CCDC102A: variants seen among roughly 807,000 people sequenced by gnomAD.
CCDC102A encodes coiled-coil domain containing 102A.
A neutral mutation model predicts 55.5 loss-of-function variants in CCDC102A; 40 were observed. That is an observed-to-expected ratio of 0.72 (90% CI 0.56 to 0.94). CCDC102A has a LOEUF of 0.94. Among genes scored for constraint, CCDC102A ranks in the 40% least tolerant of loss-of-function variants. The probability of loss-of-function intolerance (pLI) is 0.00; values close to 1 mark genes in which losing one functional copy is unlikely to be tolerated. For missense variants in CCDC102A, 779 were observed against 768.6 expected, an observed-to-expected ratio of 1.01 and a Z score of -0.16; for synonymous variants, 323 against 339.0, an observed-to-expected ratio of 0.95 and a Z score of 0.52.
chr16:57,521,536 T>G (rs143226353), intron 3 of CCDC102A, among the ~76,000 whole-genome samples: 3,903 of 152,284 alleles, frequency 0.026, 149 homozygotes, highest in African/African-American at 0.087. Flanking sequence ...TTGGCCCACC[T>G]TGTTCTTCTC....
intron 1 of CCDC102A, among the ~76,000 whole-genome samples, chr16:57,530,791 A>C: frequency 6.6e-6 from 1 of 150,438 alleles, no homozygotes; most frequent in African/African-American, 2.5e-5. Context: ...CTCCCCTGGC[A>C]CCTCCCTTTT....
rs1261007642 is a variant in CCDC102A at position 57,526,250 on chromosome 16, G to A, written c.586-123C>T. On this transcript the variant is annotated intron_variant, in intron 2 of 8. Transcript: ENST00000258214. ...TCTCTGGGCCTCAGTTTCCTCTTCT[G>A]CTGCCTGCCTCTCCATCTCTGGAGA... 1.3e-5 allele frequency: 9 copies of A among 670,832 alleles called. No homozygotes were observed. In the Admixed American group the frequency reaches 2.6e-4, roughly 20 times the overall value. The allele number at this position is 670,832 out of a possible 1,614,324, so 41.6% of individuals were successfully genotyped here.
rs2032203175 is a variant in CCDC102A at position 57,529,090 on chromosome 16, C to T, written c.88G>A (p.Glu30Lys). ...LLTILGSPSP[E>K]RMGPADSLPP... Reference sequence around the variant, plus strand: ...AAGGAGTCGGCAGGCCCCATGCGCTCCGGCGACGGGCTGCCCAGGATGGTC... The same window carrying T: ...AAGGAGTCGGCAGGCCCCATGCGCTTCGGCGACGGGCTGCCCAGGATGGTC... The change falls in exon 2 of 9, where the codon GAG (glutamate) becomes AAG (lysine). Residue 30 changes from glutamate (E) to lysine (K), a missense_variant. By Grantham distance (56) the Glu-to-Lys change is moderately conservative (BLOSUM62 1). Coordinates refer to ENST00000258214, the MANE Select transcript of CCDC102A (RefSeq NM_033212.4). The surrounding 1 kb of genome is among the most constrained non-coding windows in gnomAD (Gnocchi z 4.1). 8.5e-7 allele frequency: 1 copy of T among 1,172,954 alleles called. No individual in the cohort carries two copies. Among genetic ancestry groups the T allele is most frequent in the East Asian group, 3.8e-5 (1 of 26,314 alleles). The allele number at this position is 1,172,954 out of a possible 1,614,324, so 72.7% of individuals were successfully genotyped here.
chr16:57,512,949 G>A lies in CCDC102A; in HGVS notation c.1524-79C>T, dbSNP rs559106848. Reference sequence around the variant, plus strand: ...TAAGGTGGCTGCAGCTGGTGCTGGAGCAGTTAAGCCTTCCCTGGTGCTTTC... The same window carrying A: ...TAAGGTGGCTGCAGCTGGTGCTGGAACAGTTAAGCCTTCCCTGGTGCTTTC... On this transcript the variant is annotated intron_variant, in intron 8 of 8. Transcript: ENST00000258214. 3.1e-6 allele frequency: 4 copies of A among 1,302,502 alleles called. 1 individual carries two copies. In the South Asian group the frequency reaches 3.8e-5, roughly 12 times the overall value. The allele number at this position is 1,302,502 out of a possible 1,614,324, so 80.7% of individuals were successfully genotyped here.
intron 1 of CCDC102A, among the ~76,000 whole-genome samples, chr16:57,531,197 A>ATCTTGGTTAAAATAGAACTTGCTGCC (rs2032254007): frequency 6.6e-6 from 1 of 151,760 alleles, no homozygotes; most frequent in African/African-American, 2.4e-5. Flanking sequence ...ATTCAGGCTC[A>ATCTTGGTTAAAATAGAACTTGCTGCC]TCTTGGTTAA....
At chr16:57,512,981 G>T in intron 8 of CCDC102A, 111 bp from the exon 9 acceptor site, 1 of 846,424 alleles carries the variant, frequency 1.2e-6, no homozygotes, top group Non-Finnish European at 1.9e-6. Flanking sequence ...TTTCCCTGCT[G>T]TCTCATCTCC....
rs956843358 is a variant in CCDC102A at position 57,526,432 on chromosome 16, A to G, written c.586-305T>C. Among the ~76,000 whole-genome samples, 4 of 152,334 alleles carry G rather than the reference A, an allele frequency of 2.6e-5. No homozygotes were observed. The East Asian group carries it at 7.7e-4, about 29-fold the overall frequency. On this transcript the variant is annotated intron_variant, in intron 2 of 8. Transcript: ENST00000258214. ...AACCTACGGCGGGGCACCGATGGGAACAAATGTTGAAGCAGGAATTCCTAT... is the reference window on the plus strand; with the variant it reads ...AACCTACGGCGGGGCACCGATGGGAGCAAATGTTGAAGCAGGAATTCCTAT...
intron 3 of CCDC102A, among the ~76,000 whole-genome samples, chr16:57,524,799 A>G (rs982382890): frequency 1.3e-5 from 2 of 152,206 alleles, no homozygotes; most frequent in Non-Finnish European, 2.9e-5. Flanking sequence ...ATTCATTATC[A>G]TCAAGCTCGT....
rs1263894684 is a variant in CCDC102A, at chr16:57,516,352, T to C, written c.1360A>G (p.Lys454Glu). The change falls in exon 7 of 9, where the codon AAG becomes GAG. Residue 454 changes from lysine (K) to glutamate (E), a missense_variant. Lys to Glu is a moderately conservative substitution (Grantham distance 56, BLOSUM62 1). Transcript: ENST00000258214. This position sits in a 1 kb window ranked among gnomAD's most constrained non-coding sequence, Gnocchi z 4.4. ...TCCTCCACCCGCAGCCGCAGCTTCT[T>C]CACCTCAGCCTCGTGCTGCTCCACC... ...RRVEQHEAEV[K>E]KLRLRVEELK... 1 of 1,608,832 alleles carries C rather than the reference T, an allele frequency of 6.2e-7. No individual in the cohort carries two copies. Among genetic ancestry groups the C allele is most frequent in the African/African-American group, 1.3e-5 (1 of 75,066 alleles).
chr16:57,513,661 G>A (rs2031905263), intron 8 of CCDC102A, among the ~76,000 whole-genome samples: 1 of 152,270 alleles, frequency 6.6e-6, no homozygotes, highest in Non-Finnish European at 1.5e-5. Flanking sequence ...CCTGAACAAT[G>A]TGACCCAGAC....
chr16:57,521,098 C>T lies in CCDC102A; in HGVS notation c.891G>A (p.Leu297=), dbSNP rs1298244920. Residue 297 remains leucine, a synonymous_variant, in exon 4 of 9, where the codon CTG becomes CTA. Coordinates refer to ENST00000258214, the MANE Select transcript of CCDC102A (RefSeq NM_033212.4). ...TGAGCATCTCCTGCTTGGTCTTGCT[C>T]AGCTCCTCATACTTGATCTTCCACT... ...LSQWKIKYEE[L]SKTKQEMLKQ... is the part of the protein sequence containing the mutation. The T allele has an allele frequency of 6.2e-7, 1 of 1,613,734 alleles. No homozygotes were observed. The highest frequency in any genetic ancestry group is 1.1e-5 in the South Asian group (1 of 91,080).
At chr16:57,517,894 G>GT (rs1274855053) in intron 6 of CCDC102A, among the ~76,000 whole-genome samples, 174 bp downstream of exon 6, 2 of 152,250 alleles carry the variant, frequency 1.3e-5, no homozygotes, top group East Asian at 3.8e-4. Flanking sequence ...TTGGCACATA[G>GT]TAAGTGCTCA....
chr16:57,525,611 C>G (rs563665403), intron 3 of CCDC102A, among the ~76,000 whole-genome samples: 1 of 152,178 alleles, frequency 6.6e-6, no homozygotes, highest in African/African-American at 2.4e-5. Context: ...AGCCCTCTCC[C>G]CCAACTAGAA....
At chr16:57,531,158 C>T (rs1182521080) in intron 1 of CCDC102A, among the ~76,000 whole-genome samples, 8 of 152,204 alleles carry the variant, frequency 5.3e-5, no homozygotes, top group South Asian at 4.2e-4. Flanking sequence ...CAGAGCTTCC[C>T]ATACCTCCAA....
At position 57,512,471 on chromosome 16, in the gene CCDC102A, C is replaced by T. The variant is rs2031878774; in HGVS notation, c.*270G>A. 2.3e-6 allele frequency: 1 copy of T among 430,870 alleles called. No individual in the cohort carries two copies. The highest frequency in any genetic ancestry group is 7.7e-5 in the South Asian group (1 of 12,912). 26.7% of individuals were successfully genotyped at this position (430,870 alleles called of 1,614,324 possible). On this transcript the variant is annotated 3_prime_UTR_variant, in exon 9 of 9. Transcript: ENST00000258214. Reference sequence around the variant, plus strand: ...CATCTGGACTGGGCCTTGGAGCTGTCCTGTATTTATAAAACCAAATGGGTC... The same window carrying T: ...CATCTGGACTGGGCCTTGGAGCTGTTCTGTATTTATAAAACCAAATGGGTC...
intron 4 of CCDC102A, among the ~76,000 whole-genome samples, chr16:57,519,038 C>T (rs1397029602): frequency 6.6e-6 from 1 of 152,166 alleles, no homozygotes; most frequent in East Asian, 1.9e-4. Flanking sequence ...GCAATCATAC[C>T]ACCCTCCTCC....
At chr16:57,522,939 G>A (rs1443694714) in intron 3 of CCDC102A, among the ~76,000 whole-genome samples, 6 of 152,230 alleles carry the variant, frequency 3.9e-5, no homozygotes, top group Non-Finnish European at 5.9e-5. Context: ...GGCCAAGGCA[G>A]GTGGGCTCCC....
intron 1 of CCDC102A, among the ~76,000 whole-genome samples, chr16:57,533,555 G>A (rs1475668308): frequency 7.4e-6 from 1 of 134,764 alleles, no homozygotes; most frequent in Non-Finnish European, 1.6e-5. Context: ...CACCCCCAGG[G>A]ACCTGCACTC....
intron 8 of CCDC102A, among the ~76,000 whole-genome samples, chr16:57,513,787 A>G (rs2031908081): frequency 6.6e-6 from 1 of 152,232 alleles, no homozygotes; most frequent in Non-Finnish European, 1.5e-5. Context: ...GCCCCTGCAC[A>G]ACACTTTATG....
Sources: allele counts gnomAD v4.1 joint callset (sites outside exome capture counted in the v4.1 genomes callset), GRCh38; gene constraint gnomAD v4.1.1; non-coding constraint Gnocchi (gnomAD v3.1); transcripts MANE v1.5; gene names NCBI Gene and HGNC (gene_info 2026-07-23, HGNC 2026-07-21).